Variants in HOMEZ observed in about 807,000 individuals in gnomAD.
HOMEZ encodes homeobox and leucine zipper encoding.
A neutral mutation model predicts 50.1 loss-of-function variants in HOMEZ; 20 were observed. The ratio of observed to expected loss-of-function variants is 0.40; its 90% CI spans 0.28 to 0.58. The LOEUF is 0.58. HOMEZ is among the 20% of genes least tolerant of loss of function. The pLI, the probability that HOMEZ is intolerant of heterozygous loss-of-function variation, is 0.46. For missense variants in HOMEZ, 579 were observed against 680.5 expected (o/e 0.85, Z 1.66); for synonymous variants, 239 against 254.7 (o/e 0.94, Z 0.59).
At chr14:23,284,511 G>T (rs947867805) in intron 1 of HOMEZ, among the ~76,000 whole-genome samples, 1 of 151,986 alleles carries the variant, frequency 6.6e-6, no homozygotes, top group Non-Finnish European at 1.5e-5. Flanking sequence ...TGTGTCCTGG[G>T]GCCAGTTTTG....
intron 1 of HOMEZ, among the ~76,000 whole-genome samples, chr14:23,284,379 G>T (rs1808188058): frequency 1.3e-5 from 2 of 152,072 alleles, no homozygotes; most frequent in South Asian, 4.1e-4. Context: ...GCTCAACTGG[G>T]CCAGGAGCCT....
intron 1 of HOMEZ, among the ~76,000 whole-genome samples, chr14:23,282,421 C>T (rs954420683): frequency 6.6e-6 from 1 of 151,968 alleles, no homozygotes; most frequent in Non-Finnish European, 1.5e-5. Context: ...TTCCACCTTT[C>T]GCCTTCCAGG....
At chr14:23,280,740 A>ATTTTATTTTATTATT (rs35341745) in intron 1 of HOMEZ, among the ~76,000 whole-genome samples, 1,038 of 41,036 alleles carry the variant, frequency 0.025, 45 homozygotes, top group African/African-American at 0.047. Context: ...ATTTTATTTT[A>ATTTTATTTTATTATT]TTATTTTATT....
rs1005298147 is a variant in HOMEZ at position 23,286,126 on chromosome 14, G to C, written c.-174C>G. The C allele has an allele frequency of 8.1e-6, 10 of 1,228,232 alleles. No individual in the cohort carries two copies. The highest frequency in any genetic ancestry group is 1.0e-5 in the Non-Finnish European group (10 of 985,678). 76.1% of individuals were successfully genotyped at this position (1,228,232 alleles called of 1,614,324 possible). ...CCCTGCTCGAGCAAGTTGGAGGCGGGGCGGATGGGTGGGGTGGGCGTCCAG... is the reference window on the plus strand; with the variant it reads ...CCCTGCTCGAGCAAGTTGGAGGCGGCGCGGATGGGTGGGGTGGGCGTCCAG... On this transcript the variant is annotated 5_prime_UTR_variant, in exon 1 of 2. Coordinates refer to ENST00000357460, the MANE Select transcript of HOMEZ (RefSeq NM_020834.3).
Position 23,275,814 on chromosome 14 carries a change from C to T in HOMEZ, c.1414G>A (p.Ala472Thr). The change falls in exon 2 of 2, where the codon GCC becomes ACC. Residue 472 changes from alanine to threonine, a missense_variant. Ala to Thr is a moderately conservative substitution (Grantham distance 58, BLOSUM62 0). Coordinates refer to ENST00000357460, the MANE Select transcript of HOMEZ (RefSeq NM_020834.3). The part of the protein sequence containing the change: ...DIQPLERYWA[A>T]HQQLRETDIP... ...TCAGTTTCCCGTAGCTGTTGGTGGG[C>T]TGCCCAGTACCTCTCCAAGGGTTGT... The T allele has an allele frequency of 1.2e-6, 2 of 1,607,122 alleles. No homozygotes were observed. Among genetic ancestry groups the T allele is most frequent in the Non-Finnish European group, 8.5e-7 (1 of 1,175,994 alleles).
At chr14:23,284,278 TAA>T (rs1450616672) in intron 1 of HOMEZ, among the ~76,000 whole-genome samples, 1 of 152,216 alleles carries the variant, frequency 6.6e-6, no homozygotes, top group East Asian at 1.9e-4. Context: ...TGAATGAACG[TAA>T]AGAGTTGATG....
rs753471767 is a variant in HOMEZ, at chr14:23,276,766, A to G, written c.462T>C (p.Pro154=). The G allele has an allele frequency of 6.2e-7, 1 of 1,613,910 alleles. No homozygotes were observed. The highest frequency in any genetic ancestry group is 1.3e-5 in the African/African-American group (1 of 74,942). ...CTTGCTCTGGAGCTGGCACTGGAGG[A>G]GGAGGCACCTCCTCTGGGGGCCGTC... ...HAGRPPEEVP[P]PPVPAPEQVG... Residue 154 remains proline, a synonymous_variant, in exon 2 of 2, where the codon CCT becomes CCC. Coordinates refer to ENST00000357460, the MANE Select transcript of HOMEZ (RefSeq NM_020834.3). The surrounding 1 kb of genome is among the most constrained non-coding windows in gnomAD (Gnocchi z 4.1).
rs373029572 is a variant in HOMEZ, at chr14:23,280,704, TTTTTATTTTTATTTTA to T, written c.41-3533_41-3518del. Among the ~76,000 whole-genome samples the T allele has an allele frequency of 5.8e-3, 497 of 86,428 alleles. 58 individuals carry two copies. The highest frequency in any genetic ancestry group is 0.017 in the African/African-American group (461 of 27,234). The allele number at this position is 86,428 out of a possible 152,430, so 56.7% of individuals were successfully genotyped here. ...GTTATATTTTATTTTTATTTTTATA[TTTTTATTTTTATTTTA>T]TTTTATTTTATTTTATTTTATTATT... is the stretch of plus-strand genomic sequence containing the variant. On this transcript the variant is annotated intron_variant, in intron 1 of 1. Coordinates refer to ENST00000357460, the MANE Select transcript of HOMEZ (RefSeq NM_020834.3).
Position 23,280,704 on chromosome 14 carries a change from T to TA in HOMEZ, c.41-3518_41-3517insT, listed in dbSNP as rs968351125. 1.1e-3 allele frequency among the ~76,000 whole-genome samples: 92 copies of TA among 86,536 alleles called. 3 individuals carry two copies. The highest frequency in any genetic ancestry group is 2.6e-3 in the South Asian group (8 of 3,044). The allele number at this position is 86,536 out of a possible 152,430, so 56.8% of individuals were successfully genotyped here. ...GTTATATTTTATTTTTATTTTTATA[T>TA]TTTTATTTTTATTTTATTTTATTTT... On this transcript the variant is annotated intron_variant, in intron 1 of 1. Coordinates refer to ENST00000357460, the MANE Select transcript of HOMEZ (RefSeq NM_020834.3).
At position 23,275,882 on chromosome 14, in the gene HOMEZ, G is replaced by C; in HGVS notation, c.1346C>G (p.Ala449Gly). 1 of 1,600,444 alleles carries C rather than the reference G, an allele frequency of 6.2e-7. No individual in the cohort carries two copies. The highest frequency in any genetic ancestry group is 8.5e-7 in the Non-Finnish European group (1 of 1,172,742). The part of the protein sequence containing the change: ...PPSTRSLNER[A>G]ETPPLPIPPP... ...AGGGATCGGCAGAGGTGGTGTCTCA[G>C]CCCTTTCGTTCAAGGAGCGGGTTGA... Residue 449 changes from alanine to glycine, a missense_variant, in exon 2 of 2, where the codon GCT becomes GGT. Physicochemically the swap from Ala to Gly is moderately conservative, Grantham distance 60. Coordinates refer to ENST00000357460, the MANE Select transcript of HOMEZ (RefSeq NM_020834.3).
intron 1 of HOMEZ, among the ~76,000 whole-genome samples, chr14:23,284,046 GCTT>G (rs1466962784): frequency 1.3e-5 from 2 of 152,158 alleles, no homozygotes; most frequent in Non-Finnish European, 2.9e-5. Flanking sequence ...CAGCTTATAT[GCTT>G]CTTAACTTTT....
At position 23,280,762 on chromosome 14, in the gene HOMEZ, T is replaced by C. The variant is rs554064988; in HGVS notation, c.41-3575A>G. Among the ~76,000 whole-genome samples, 365 of 123,402 alleles carry C rather than the reference T, an allele frequency of 3.0e-3. 35 individuals are homozygous for C. The highest frequency in any genetic ancestry group is 4.5e-3 in the Non-Finnish European group (269 of 59,190). 81.0% of individuals were successfully genotyped at this position (123,402 alleles called of 152,430 possible). A position where few individuals can be genotyped will look rare whatever the true frequency, so the allele number is the denominator to read the frequency against. Reference sequence around the variant, plus strand: ...TTTATTATTTTATTTTATTTTATTTTATTTTATTTTATTTTATTTTATTTT... The same window carrying C: ...TTTATTATTTTATTTTATTTTATTTCATTTTATTTTATTTTATTTTATTTT... On this transcript the variant is annotated intron_variant, in intron 1 of 1. Transcript: ENST00000357460.
chr14:23,280,763 A>AT (rs1295606666), intron 1 of HOMEZ, among the ~76,000 whole-genome samples: 3 of 86,014 alleles, frequency 3.5e-5, no homozygotes, highest in Non-Finnish European at 7.8e-5. Flanking sequence ...ATTTTATTTT[A>AT]TTTTATTTTA....
intron 1 of HOMEZ, among the ~76,000 whole-genome samples, chr14:23,283,075 T>C (rs1489552125): frequency 6.6e-6 from 1 of 152,190 alleles, no homozygotes; most frequent in Non-Finnish European, 1.5e-5. Context: ...TGTGTGTCCA[T>C]TTTGGATTGA....
chr14:23,278,777 G>A (rs560453136), intron 1 of HOMEZ, among the ~76,000 whole-genome samples: 3 of 152,328 alleles, frequency 2.0e-5, no homozygotes, highest in South Asian at 2.1e-4. Flanking sequence ...CTGGGTTCAA[G>A]TGATTCTTGT....
In HOMEZ at chr14:23,273,684, C is replaced by G. The variant is rs985209500; in HGVS notation, c.*1891G>C. ...AAATAAATTAGGTCTTGGGAATGAT[C>G]TTGTATCTGAACTAGGATCCCCATA... is the stretch of plus-strand genomic sequence containing the variant. On this transcript the variant is annotated 3_prime_UTR_variant, in exon 2 of 2. Coordinates refer to ENST00000357460, the MANE Select transcript of HOMEZ (RefSeq NM_020834.3). 5.3e-5 allele frequency: 8 copies of G among 152,206 alleles called. No homozygotes were observed. The highest frequency in any genetic ancestry group is 1.9e-4 in the African/African-American group (8 of 41,458). The allele number at this position is 152,206 out of a possible 1,614,324, so 9.4% of individuals were successfully genotyped here.
intron 1 of HOMEZ, among the ~76,000 whole-genome samples, chr14:23,278,670 ATTGTTTGT>A (rs10640227): frequency 1.3e-5 from 2 of 150,436 alleles, no homozygotes; most frequent in South Asian, 2.1e-4. Context: ...GGCCCTCAGA[ATTGTTTGT>A]TTGTTTGTTT....
rs936163660 is a variant in HOMEZ at position 23,286,083 on chromosome 14, G to A, written c.-131C>T. On this transcript the variant is annotated 5_prime_UTR_variant, in exon 1 of 2. Transcript: ENST00000357460. ...ACTGCCCCCCCCACCGTCCCCGGGA[G>A]CGCGCCGGTCTACCCAGCCCTGCTC... The A allele has an allele frequency of 8.1e-6, 10 of 1,230,462 alleles. No homozygotes were observed. The African/African-American group carries it at 1.4e-4, about 17-fold the overall frequency. 76.2% of individuals were successfully genotyped at this position (1,230,462 alleles called of 1,614,324 possible). A position where few individuals can be genotyped will look rare whatever the true frequency, so the allele number is the denominator to read the frequency against.
Position 23,275,612 on chromosome 14 carries a change from TCATCTTCCTCC to T in HOMEZ, c.1605_1615del (p.Glu536Ter), listed in dbSNP as rs1886328778. 6 of 1,528,238 alleles carry T rather than the reference TCATCTTCCTCC, an allele frequency of 3.9e-6. No homozygotes were observed. In the South Asian group the frequency reaches 7.3e-5, roughly 19 times the overall value. The allele number at this position is 1,528,238 out of a possible 1,614,324, so 94.7% of individuals were successfully genotyped here. On this transcript the variant is annotated frameshift_variant, in exon 2 of 2. Transcript: ENST00000357460. LOFTEE classifies it high-confidence loss of function. The stretch of plus-strand genomic sequence containing the variant: ...GATCACATCATCATCATCATCATCA[TCATCTTCCTCC>T]TCCTCCTCCTCCTCTTCCTCATCAT...
Sources: gnomAD v4.1 joint callset for allele counts (sites outside exome capture counted in the v4.1 genomes callset) on GRCh38, gnomAD v4.1.1 for gene constraint, Gnocchi (gnomAD v3.1) non-coding constraint, MANE v1.5 for transcripts, NCBI Gene and HGNC (gene_info 2026-07-23, HGNC 2026-07-21) for gene names.